MGMT: variants seen among roughly 807,000 people sequenced by gnomAD.
MGMT encodes O-6-methylguanine-DNA methyltransferase.
A neutral mutation model predicts 15.9 loss-of-function variants in MGMT; 14 were observed. The ratio of observed to expected loss-of-function variants is 0.88; its 90% CI spans 0.58 to 1.37. The LOEUF is 1.37. Among genes scored for constraint, MGMT ranks in the 40% most tolerant of loss-of-function variants. The probability of loss-of-function intolerance (pLI) is 0.00; values close to 1 mark genes in which losing one functional copy is unlikely to be tolerated. For synonymous variants in MGMT, 130 were observed against 118.2 expected (o/e 1.10, Z -0.65); for missense variants, 282 against 268.1 (o/e 1.05, Z -0.36).
chr10:129,700,655 A>G (rs1848088081), intron 2 of MGMT: 1 of 152,230 alleles, frequency 6.6e-6, no homozygotes, highest in Non-Finnish European at 1.5e-5. Context: ...AAGCCACTGC[A>G]TTTGTCTGAA....
intron 1 of MGMT, among the ~76,000 whole-genome samples, chr10:129,515,220 G>C (rs569530071): frequency 2.4e-4 from 37 of 152,352 alleles, no homozygotes; most frequent in Non-Finnish European, 4.7e-4. Flanking sequence ...CACGTGTGCA[G>C]GACAGGCGGG....
intron 2 of MGMT, among the ~76,000 whole-genome samples, chr10:129,594,731 G>T (rs1328848163): frequency 6.6e-6 from 1 of 152,200 alleles, no homozygotes; most frequent in Admixed American, 6.5e-5. Flanking sequence ...GGGTTCTCTG[G>T]CTGAAGAAAT....
intron 2 of MGMT, among the ~76,000 whole-genome samples, chr10:129,565,358 A>G (rs1846342562): frequency 6.6e-6 from 1 of 152,158 alleles, no homozygotes; most frequent in Non-Finnish European, 1.5e-5. Flanking sequence ...CTATGAAAGC[A>G]TCACTTTGAA....
At chr10:129,731,356 CTTT>C (rs547636043) in intron 3 of MGMT, among the ~76,000 whole-genome samples, 18,822 of 95,004 alleles carry the variant, frequency 0.2, 873 homozygotes, top group Middle Eastern at 0.36. Context: ...AAACCTAAGA[CTTT>C]TTTTTTTTTT....
chr10:129,508,983 A>ATAAAACGAAATTCAG (rs1845653737), intron 1 of MGMT, among the ~76,000 whole-genome samples: 1 of 142,864 alleles, frequency 7.0e-6, no homozygotes, highest in Admixed American at 7.0e-5. Context: ...GAAAGAAATA[A>ATAAAACGAAATTCAG]TAAAATGAAA....
intron 3 of MGMT, among the ~76,000 whole-genome samples, chr10:129,731,125 G>A (rs1223883119): frequency 6.6e-6 from 1 of 152,166 alleles, no homozygotes; most frequent in African/African-American, 2.4e-5. Flanking sequence ...CTCCAGGTGA[G>A]CTCTGAGGTC....
rs544775172 is a variant in MGMT, at chr10:129,488,475, A to G, written c.-13+21179A>G. On this transcript the variant is annotated intron_variant, in intron 1 of 4. Transcript: ENST00000651593. ...TCTGAATTCTAATCCTTTGTCTGTT[A>G]TATGTGCTGCAATTGTCTTCTCCCA... is the stretch of plus-strand genomic sequence containing the variant. Among the ~76,000 whole-genome samples, 3 of 152,260 alleles carry G rather than the reference A, an allele frequency of 2.0e-5. No individual in the cohort carries two copies. In the South Asian group the frequency reaches 6.2e-4, roughly 32 times the overall value.
intron 2 of MGMT, among the ~76,000 whole-genome samples, chr10:129,612,596 C>T (rs1368247718): frequency 6.6e-6 from 1 of 152,218 alleles, no homozygotes; most frequent in Admixed American, 6.5e-5. Flanking sequence ...TTCCCCACAG[C>T]CTTGCTGGCA....
At chr10:129,689,165 A>C (rs1486594094) in intron 2 of MGMT, among the ~76,000 whole-genome samples, 1 of 152,134 alleles carries the variant, frequency 6.6e-6, no homozygotes, top group African/African-American at 2.4e-5. Flanking sequence ...CCTGGACTCA[A>C]GTTGTCCACC....
intron 3 of MGMT, among the ~76,000 whole-genome samples, chr10:129,742,683 C>G (rs1459862347): frequency 6.7e-5 from 10 of 149,634 alleles, no homozygotes; most frequent in Admixed American, 4.0e-4. Context: ...GCGGCCCATG[C>G]TCAGAGCCAG....
At chr10:129,576,946 G>A (rs1253278291) in intron 2 of MGMT, among the ~76,000 whole-genome samples, 3 of 152,068 alleles carry the variant, frequency 2.0e-5, no homozygotes, top group Non-Finnish European at 4.4e-5. Flanking sequence ...TTGCTTCAAA[G>A]AGAATAAAAT....
intron 2 of MGMT, among the ~76,000 whole-genome samples, chr10:129,654,330 G>A (rs1847498909): frequency 6.6e-6 from 1 of 152,134 alleles, no homozygotes; most frequent in South Asian, 2.1e-4. Flanking sequence ...ACAGAGACAG[G>A]CCTGGGACCT....
intron 2 of MGMT, among the ~76,000 whole-genome samples, chr10:129,631,376 A>T (rs895457756): frequency 3.9e-5 from 6 of 152,236 alleles, no homozygotes; most frequent in African/African-American, 1.2e-4. Flanking sequence ...AGACAGAAGA[A>T]TGAAGGACTC....
intron 4 of MGMT, among the ~76,000 whole-genome samples, chr10:129,759,596 G>A (rs1243078098): frequency 1.3e-5 from 2 of 152,180 alleles, no homozygotes; most frequent in Admixed American, 6.5e-5. Context: ...GTCACAGTGA[G>A]CAGGAGAGGA....
chr10:129,740,768 G>A (rs1194378227), intron 3 of MGMT, among the ~76,000 whole-genome samples: 1 of 152,158 alleles, frequency 6.6e-6, no homozygotes, highest in Non-Finnish European at 1.5e-5. Context: ...CTGCCGTCTG[G>A]GCCTGGGAGA....
intron 1 of MGMT, among the ~76,000 whole-genome samples, chr10:129,475,990 G>C (rs1220059443): frequency 6.6e-6 from 1 of 151,214 alleles, no homozygotes; most frequent in African/African-American, 2.4e-5. Flanking sequence ...GACTTTCTGT[G>C]CTAAAATGGG....
At chr10:129,738,276 G>T (rs368867271) in intron 3 of MGMT, among the ~76,000 whole-genome samples, 1 of 152,180 alleles carries the variant, frequency 6.6e-6, no homozygotes, top group African/African-American at 2.4e-5. Context: ...TTTTAAGCCC[G>T]TCGGAAAAGG....
rs183145737 is a variant in MGMT at position 129,768,622 on chromosome 10, C to G, written c.*1625C>G. Among the ~76,000 whole-genome samples the G allele has an allele frequency of 7.3e-4, 111 of 152,384 alleles. No homozygotes were observed. Among genetic ancestry groups the G allele is most frequent in the Admixed American group, 6.4e-3 (98 of 15,314 alleles). On this transcript the variant is annotated 3_prime_UTR_variant, in exon 5 of 5. Transcript: ENST00000651593. ...GCCGGTCACCAGGCACGGCTTTCCCCTCTGCATGAACAGAACAGAAGCTTC... is the reference window on the plus strand; with the variant it reads ...GCCGGTCACCAGGCACGGCTTTCCCGTCTGCATGAACAGAACAGAAGCTTC...
intron 2 of MGMT, among the ~76,000 whole-genome samples, chr10:129,625,456 A>G (rs1266179551): frequency 6.6e-6 from 1 of 152,246 alleles, no homozygotes; most frequent in Non-Finnish European, 1.5e-5. Context: ...ATGAACCCAA[A>G]TTTTAAAATC....
Sources: allele counts gnomAD v4.1 joint callset (sites outside exome capture counted in the v4.1 genomes callset), GRCh38; gene constraint gnomAD v4.1.1; transcripts MANE v1.5; gene names NCBI Gene and HGNC (gene_info 2026-07-23, HGNC 2026-07-21).